Variants in ESRRB observed in about 807,000 individuals in gnomAD.
The protein encoded by ESRRB is estrogen related receptor beta, also known as steroid hormone receptor ERR2.
ESRRB carries 16 observed loss-of-function variants against 46.0 expected under a neutral mutation model. That is an observed-to-expected ratio of 0.35 (90% confidence interval 0.24 to 0.53). The LOEUF (loss-of-function observed/expected upper bound fraction) is 0.53, where lower values mean the gene tolerates loss of function less well. Ranked by LOEUF, ESRRB falls within the 20% of genes least tolerant of loss-of-function variation. The pLI is 0.93. For synonymous variants in ESRRB, 246 were observed against 259.6 expected (o/e 0.95, Z 0.50); for missense variants, 488 against 607.4 (o/e 0.80, Z 2.07).
rs1883902363 is a variant in ESRRB at position 76,324,308 on chromosome 14, G to A, written c.2+13392G>A. Among the ~76,000 whole-genome samples, 5 of 152,314 alleles carry A rather than the reference G, an allele frequency of 3.3e-5. No homozygotes were observed. The South Asian group carries it at 8.3e-4, about 25-fold the overall frequency. ...TCATTGGCTGAGAGCTGCCCCGGCA[G>A]GGAGGGAGTAGACTCCTAGGCCCTT... On this transcript the variant is annotated intron_variant, in intron 1 of 6. Transcript: ENST00000512784.
intron 1 of ESRRB, among the ~76,000 whole-genome samples, chr14:76,324,919 G>T (rs1883909600): frequency 6.6e-6 from 1 of 151,574 alleles, no homozygotes. Flanking sequence ...GGGAATGCAG[G>T]CATCACCTGT....
chr14:76,476,287 G>A (rs1429801029), intron 3 of ESRRB, among the ~76,000 whole-genome samples: 2 of 152,036 alleles, frequency 1.3e-5, no homozygotes, highest in African/African-American at 4.8e-5. Context: ...TAAAACAAAG[G>A]ATCTGTATTT....
chr14:76,368,615 C>G (rs530544480), upstream of ESRRB, among the ~76,000 whole-genome samples: 87 of 152,226 alleles, frequency 5.7e-4, no homozygotes, highest in Middle Eastern at 3.4e-3. Flanking sequence ...CTCTCTGATT[C>G]CTCTGTAGTT....
At chr14:76,479,929 G>A (rs1889738284) in intron 3 of ESRRB, among the ~76,000 whole-genome samples, 4 of 152,176 alleles carry the variant, frequency 2.6e-5, no homozygotes, top group South Asian at 4.1e-4. Context: ...GTGCAGTGGT[G>A]CAATCTCAGC....
rs56051502 is a variant in ESRRB at position 76,389,388 on chromosome 14, T to G, written c.50+12937T>G. On this transcript the variant is annotated intron_variant, in intron 1 of 6. Transcript: ENST00000644823. Reference sequence around the variant, plus strand: ...TGAGGTCCTAGAGTCCAAGGTCATCTCTGTGTCCCCAGTGACACAGAGTGG... The same window carrying G: ...TGAGGTCCTAGAGTCCAAGGTCATCGCTGTGTCCCCAGTGACACAGAGTGG... Among the ~76,000 whole-genome samples, 518 of 152,316 alleles carry G rather than the reference T, an allele frequency of 3.4e-3. 3 individuals carry two copies. Among genetic ancestry groups the G allele is most frequent in the African/African-American group, 0.012 (501 of 41,556 alleles).
intron 1 of ESRRB, among the ~76,000 whole-genome samples, chr14:76,349,636 G>A (rs1884290396): frequency 6.6e-6 from 1 of 152,166 alleles, no homozygotes; most frequent in Admixed American, 6.5e-5. Flanking sequence ...ATAGCCTAGT[G>A]GGTGGTAAGA....
chr14:76,332,674 A>G (rs1332840080), intron 1 of ESRRB, among the ~76,000 whole-genome samples: 1 of 43,530 alleles, frequency 2.3e-5, no homozygotes, highest in African/African-American at 9.2e-5. Flanking sequence ...ATATATATTT[A>G]TATATTATAT....
At chr14:76,371,604 A>G (rs1294485677), upstream of ESRRB, 1 of 152,250 alleles carries the variant, frequency 6.6e-6, no homozygotes, top group South Asian at 2.1e-4. Flanking sequence ...GTGGCTACAT[A>G]CTGTGGGTGT....
rs1890609855 is a variant in ESRRB, at chr14:76,500,148, G to A, written c.*1690G>A. ...CAGGAACCTCCCGGCCTGGGCTTCTGGGCTGGGACGTGCTGAGGTCATCCC... is the reference window on the plus strand; with the variant it reads ...CAGGAACCTCCCGGCCTGGGCTTCTAGGCTGGGACGTGCTGAGGTCATCCC... On this transcript the variant is annotated 3_prime_UTR_variant, in exon 7 of 7. Coordinates refer to ENST00000644823, the MANE Select transcript of ESRRB (RefSeq NM_001379180.1). The A allele has an allele frequency of 8.2e-7, 1 of 1,220,120 alleles. No individual in the cohort carries two copies. Among genetic ancestry groups the A allele is most frequent in the East Asian group, 2.5e-5 (1 of 39,330 alleles). The allele number at this position is 1,220,120 out of a possible 1,614,324, so 75.6% of individuals were successfully genotyped here. A position where few individuals can be genotyped will look rare whatever the true frequency, so the allele number is the denominator to read the frequency against.
At chr14:76,391,155 T>C (rs539090187) in intron 1 of ESRRB, among the ~76,000 whole-genome samples, 51 of 152,210 alleles carry the variant, frequency 3.4e-4, no homozygotes, top group African/African-American at 1.2e-3. Context: ...CTTGGGATGC[T>C]ACAGGAAAGC....
chr14:76,323,069 C>T (rs370625389), intron 1 of ESRRB, among the ~76,000 whole-genome samples: 41 of 151,974 alleles, frequency 2.7e-4, no homozygotes, highest in African/African-American at 8.7e-4. Context: ...GGGTGGGGGG[C>T]GTCTGGGGGA....
chr14:76,378,328 C>A (rs1392874921), intron 1 of ESRRB, among the ~76,000 whole-genome samples: 1 of 152,088 alleles, frequency 6.6e-6, no homozygotes, highest in African/African-American at 2.4e-5. Context: ...ATCGAGTTGA[C>A]GGCAGCCCTG....
intron 1 of ESRRB, among the ~76,000 whole-genome samples, chr14:76,343,106 G>T (rs2139753043): frequency 6.6e-6 from 1 of 152,292 alleles, no homozygotes; most frequent in Non-Finnish European, 1.5e-5. Context: ...TTCAGTCATT[G>T]CCAAGAGCAG....
At chr14:76,437,838 G>A (rs1313726084) in intron 1 of ESRRB, among the ~76,000 whole-genome samples, 1 of 152,192 alleles carries the variant, frequency 6.6e-6, no homozygotes, top group African/African-American at 2.4e-5. Flanking sequence ...TGGGAGCTGG[G>A]ATACGGGAGG....
chr14:76,409,559 C>A lies in ESRRB; in HGVS notation c.51-29782C>A, dbSNP rs145893212. 1.8e-4 allele frequency among the ~76,000 whole-genome samples: 24 copies of A among 135,954 alleles called. No individual in the cohort carries two copies. In the East Asian group the frequency reaches 5.2e-3, roughly 29 times the overall value. 89.2% of individuals were successfully genotyped at this position (135,954 alleles called of 152,430 possible). Reference sequence around the variant, plus strand: ...TCAGCTCAATACCATTAGTGTATATCTGCAGAGGGCCCTTTGTAAAATTGA... The same window carrying A: ...TCAGCTCAATACCATTAGTGTATATATGCAGAGGGCCCTTTGTAAAATTGA... On this transcript the variant is annotated intron_variant, in intron 1 of 6. Transcript: ENST00000644823.
intron 1 of ESRRB, among the ~76,000 whole-genome samples, chr14:76,320,695 G>A (rs1883856614): frequency 6.6e-6 from 1 of 152,230 alleles, no homozygotes. Context: ...GGCTGATGGT[G>A]CTTAGCGGTT....
chr14:76,414,200 G>T (rs1236587605), intron 1 of ESRRB, among the ~76,000 whole-genome samples: 1 of 31,806 alleles, frequency 3.1e-5, no homozygotes, highest in Admixed American at 4.4e-4. Flanking sequence ...CCCCTGCAGC[G>T]TCCCCCCGCC....
chr14:76,445,482 A>AAAAAAAAAAAAAAAAAAG (rs1555398182), intron 2 of ESRRB, among the ~76,000 whole-genome samples: 1 of 120,074 alleles, frequency 8.3e-6, no homozygotes, highest in African/African-American at 4.3e-5. Flanking sequence ...AAAAAAAAAA[A>AAAAAAAAAAAAAAAAAAG]AAAGAAAGAA....
At chr14:76,374,864 C>G (rs986470125), upstream of ESRRB, among the ~76,000 whole-genome samples, 3 of 152,150 alleles carry the variant, frequency 2.0e-5, no homozygotes. Context: ...AGCTCTGTTT[C>G]CCAACCTGCA....
Sources: allele counts gnomAD v4.1 joint callset (sites outside exome capture counted in the v4.1 genomes callset), GRCh38; gene constraint gnomAD v4.1.1; transcripts MANE v1.5; gene names NCBI Gene and HGNC (gene_info 2026-07-23, HGNC 2026-07-21).